The following TBC1D22A variants were observed in gnomAD, a reference collection of about 807,000 sequenced individuals.
TBC1D22A encodes putative GTPase activator.
A neutral mutation model predicts 60.2 loss-of-function variants in TBC1D22A; 38 were observed. That is an observed-to-expected ratio of 0.63 (90% CI 0.49 to 0.83). TBC1D22A has a LOEUF of 0.83. Among genes scored for constraint, TBC1D22A ranks in the 40% least tolerant of loss-of-function variants. The pLI is 0.00. For synonymous variants in TBC1D22A, 302 were observed against 281.7 expected (o/e 1.07, Z -0.72); for missense variants, 628 against 701.0 (o/e 0.90, Z 1.18).
intron 4 of TBC1D22A, among the ~76,000 whole-genome samples, chr22:46,840,942 G>A (rs553117580): frequency 3.4e-4 from 52 of 152,088 alleles, no homozygotes; most frequent in African/African-American, 1.2e-3. Context: ...TCAGTGCCTC[G>A]TAGAGGATAT....
At chr22:46,838,479 A>G (rs2147198323) in intron 4 of TBC1D22A, among the ~76,000 whole-genome samples, 2 of 152,360 alleles carry the variant, frequency 1.3e-5, no homozygotes, top group South Asian at 4.1e-4. Context: ...TCTACCAAAT[A>G]CTTAAAGAAG....
chr22:46,765,687 G>A (rs1234778344), intron 1 of TBC1D22A, among the ~76,000 whole-genome samples: 1 of 151,796 alleles, frequency 6.6e-6, no homozygotes, highest in East Asian at 1.9e-4. Flanking sequence ...GGCTAGTCTC[G>A]AACTCCTGAC....
intron 12 of TBC1D22A, among the ~76,000 whole-genome samples, chr22:47,136,408 G>A (rs1372493254): frequency 6.6e-6 from 1 of 152,234 alleles, no homozygotes; most frequent in East Asian, 1.9e-4. Flanking sequence ...CCAGCTCCAC[G>A]CTTCGACCAA....
chr22:46,763,959 T>A (rs1317088852), intron 1 of TBC1D22A: 2 of 152,244 alleles, frequency 1.3e-5, no homozygotes, highest in East Asian at 3.9e-4. Flanking sequence ...CTGGGCATGG[T>A]GGCACATGCC....
In TBC1D22A at chr22:47,076,380, TACAC is replaced by T. The variant is rs1183466938; in HGVS notation, c.1330-35102_1330-35099del. Among the ~76,000 whole-genome samples, 815 of 124,480 alleles carry T rather than the reference TACAC, an allele frequency of 6.5e-3. 8 individuals are homozygous for T. Among genetic ancestry groups the T allele is most frequent in the African/African-American group, 0.018 (573 of 32,664 alleles). The allele number at this position is 124,480 out of a possible 152,430, so 81.7% of individuals were successfully genotyped here. On this transcript the variant is annotated intron_variant, in intron 11 of 12. Coordinates refer to ENST00000337137, the MANE Select transcript of TBC1D22A (RefSeq NM_014346.5). ...GTGTGTGTATATATATATATATATATACACACACACACACACACACACACACACA... is the reference window on the plus strand; with the variant it reads ...GTGTGTGTATATATATATATATATATACACACACACACACACACACACACA...
rs755004609 is a variant in TBC1D22A at position 46,792,585 on chromosome 22, C to T, written c.119+9C>T. The T allele has an allele frequency of 2.5e-5, 41 of 1,614,104 alleles. No individual in the cohort carries two copies. Among genetic ancestry groups the T allele is most frequent in the Middle Eastern group, 1.6e-4 (1 of 6,084 alleles). On this transcript the variant is annotated intron_variant, in intron 2 of 12. Transcript: ENST00000337137. ...CCACTGTTACATGGCACGTAAGTGA[C>T]GTTCCAACCTCACTTGGCGTCTCGG...
intron 11 of TBC1D22A, among the ~76,000 whole-genome samples, chr22:47,098,461 A>G (rs1283135250): frequency 3.3e-5 from 5 of 152,196 alleles, no homozygotes; most frequent in Non-Finnish European, 7.3e-5. Context: ...GCCGCACCAC[A>G]GGAACTGGAC....
chr22:46,963,630 A>T (rs557237320), intron 8 of TBC1D22A, among the ~76,000 whole-genome samples: 7 of 152,346 alleles, frequency 4.6e-5, no homozygotes, highest in African/African-American at 1.7e-4. Context: ...CCTTGAATCA[A>T]TGGTGCACAG....
At chr22:47,039,935 CTTTTTTTTTTTTT>C (rs570751261) in intron 11 of TBC1D22A, among the ~76,000 whole-genome samples, 4 of 77,284 alleles carry the variant, frequency 5.2e-5, no homozygotes, top group Non-Finnish European at 9.4e-5. Context: ...GTGCCACAGC[CTTTTTTTTTTTTT>C]TTTTTTTTTT....
chr22:46,919,350 A>G (rs1188236403), intron 8 of TBC1D22A, among the ~76,000 whole-genome samples: 1 of 152,212 alleles, frequency 6.6e-6, no homozygotes, highest in Non-Finnish European at 1.5e-5. Flanking sequence ...TTCATTCCGT[A>G]GCCAGGTAAC....
At chr22:46,868,187 A>C (rs1485089310) in intron 4 of TBC1D22A, among the ~76,000 whole-genome samples, 3 of 152,214 alleles carry the variant, frequency 2.0e-5, no homozygotes, top group Non-Finnish European at 4.4e-5. Flanking sequence ...AAGTGTAAGA[A>C]AATGATTGCT....
chr22:46,802,018 G>A (rs1179180176), intron 4 of TBC1D22A, among the ~76,000 whole-genome samples: 1 of 152,252 alleles, frequency 6.6e-6, no homozygotes, highest in Non-Finnish European at 1.5e-5. Context: ...AGCAGGTGCG[G>A]CCTTGGAGTA....
intron 8 of TBC1D22A, among the ~76,000 whole-genome samples, chr22:46,917,108 C>A (rs1410475278): frequency 1.3e-5 from 2 of 152,160 alleles, no homozygotes; most frequent in African/African-American, 4.8e-5. Flanking sequence ...GTTAGCACAG[C>A]CATTGGAGAC....
At chr22:46,949,011 A>T (rs1186048818) in intron 8 of TBC1D22A, among the ~76,000 whole-genome samples, 1 of 152,228 alleles carries the variant, frequency 6.6e-6, no homozygotes, top group Non-Finnish European at 1.5e-5. Flanking sequence ...CCCTGTGGGA[A>T]GCAGGAGTGG....
At chr22:46,977,972 G>A (rs560786347) in intron 9 of TBC1D22A, among the ~76,000 whole-genome samples, 1 of 152,378 alleles carries the variant, frequency 6.6e-6, no homozygotes, top group South Asian at 2.1e-4. Flanking sequence ...AACCGTATTA[G>A]CGGTATTGAC....
chr22:46,957,752 G>T (rs1042166789), intron 8 of TBC1D22A, among the ~76,000 whole-genome samples: 3 of 152,242 alleles, frequency 2.0e-5, no homozygotes, highest in Non-Finnish European at 4.4e-5. Flanking sequence ...CAGGCGAGAG[G>T]TGAGGCTGTG....
Position 47,173,749 on chromosome 22 carries a change from T to C in TBC1D22A, c.*123T>C. ...AAGGCCTTGTGAGGTGGCCCCACCC[T>C]CCAGGGGAGCTGGTGAAGATGGGCC... On this transcript the variant is annotated 3_prime_UTR_variant, in exon 13 of 13. Coordinates refer to ENST00000337137, the MANE Select transcript of TBC1D22A (RefSeq NM_014346.5). The C allele has an allele frequency of 6.9e-7, 1 of 1,447,234 alleles. No homozygotes were observed. Among genetic ancestry groups the C allele is most frequent in the Non-Finnish European group, 9.4e-7 (1 of 1,063,596 alleles). The allele number at this position is 1,447,234 out of a possible 1,614,324, so 89.6% of individuals were successfully genotyped here. A position where few individuals can be genotyped will look rare whatever the true frequency, so the allele number is the denominator to read the frequency against.
intron 11 of TBC1D22A, among the ~76,000 whole-genome samples, chr22:47,048,034 A>G (rs564112470): frequency 6.6e-6 from 1 of 152,330 alleles, no homozygotes; most frequent in Non-Finnish European, 1.5e-5. Flanking sequence ...AGGAACAAGA[A>G]AAAAGCCAGA....
intron 11 of TBC1D22A, among the ~76,000 whole-genome samples, chr22:47,041,614 T>G (rs1449735460): frequency 6.6e-6 from 1 of 152,194 alleles, no homozygotes; most frequent in East Asian, 1.9e-4. Flanking sequence ...CTCTGCGGCG[T>G]CCTGGGCTCG....
Sources: allele counts gnomAD v4.1 joint callset (sites outside exome capture counted in the v4.1 genomes callset), GRCh38; gene constraint gnomAD v4.1.1; transcripts MANE v1.5; gene names NCBI Gene and HGNC (gene_info 2026-07-23, HGNC 2026-07-21).